MFSD6: variants seen among roughly 807,000 people sequenced by gnomAD.
MFSD6 encodes major facilitator superfamily domain-containing protein 6.
A neutral mutation model predicts 56.3 loss-of-function variants in MFSD6; 26 were observed. That is an observed-to-expected ratio of 0.46 (90% CI 0.34 to 0.64). The LOEUF (loss-of-function observed/expected upper bound fraction) is 0.64. MFSD6 is among the 30% of genes least tolerant of loss of function. The pLI is 0.01. For synonymous variants in MFSD6, 331 were observed against 366.9 expected, an observed-to-expected ratio of 0.90 and a Z score of 1.12; for missense variants, 750 against 986.2, an observed-to-expected ratio of 0.76 and a Z score of 3.21.
At chr2:190,474,018 G>A (rs538618040) in intron 4 of MFSD6, among the ~76,000 whole-genome samples, 6 of 152,224 alleles carry the variant, frequency 3.9e-5, no homozygotes, top group Admixed American at 6.5e-5. Context: ...TGAAACCAAC[G>A]AGAACAAAGA....
chr2:190,484,701 C>T (rs1688910930), intron 4 of MFSD6, among the ~76,000 whole-genome samples: 1 of 152,180 alleles, frequency 6.6e-6, no homozygotes, highest in Admixed American at 6.5e-5. Flanking sequence ...CTTTTGTATA[C>T]ACAGATGATG....
rs59001642 is a variant in MFSD6 at position 190,417,965 on chromosome 2, GGTGT to G, written c.-54+2585_-54+2588del. 5.4e-3 allele frequency among the ~76,000 whole-genome samples: 780 copies of G among 144,694 alleles called. 5 individuals carry two copies. The highest frequency in any genetic ancestry group is 8.1e-3 in the Admixed American group (118 of 14,484). 94.9% of individuals were successfully genotyped at this position (144,694 alleles called of 152,430 possible). A position where few individuals can be genotyped will look rare whatever the true frequency, so the allele number is the denominator to read the frequency against. ...CTGACTTTTCATTTAACCCTTTAGTGGTGTGTGTGTGTGTGTGTGTGTGTGTGTG... is the reference window on the plus strand; with the variant it reads ...CTGACTTTTCATTTAACCCTTTAGTGGTGTGTGTGTGTGTGTGTGTGTGTG... On this transcript the variant is annotated intron_variant, in intron 2 of 7. Coordinates refer to ENST00000392328, the MANE Select transcript of MFSD6 (RefSeq NM_017694.4). This position sits in a 1 kb window ranked among gnomAD's most constrained non-coding sequence, Gnocchi z 5.7.
chr2:190,495,390 G>C lies in MFSD6; in HGVS notation c.1892-2049G>C, dbSNP rs1002093274. Among the ~76,000 whole-genome samples, 1 of 152,174 alleles carries C rather than the reference G, an allele frequency of 6.6e-6. No individual in the cohort carries two copies. The highest frequency in any genetic ancestry group is 1.5e-5 in the Non-Finnish European group (1 of 68,028). On this transcript the variant is annotated intron_variant, in intron 6 of 7. Transcript: ENST00000392328. This position sits in a 1 kb window ranked among gnomAD's most constrained non-coding sequence, Gnocchi z 4.7. ...AAACATATCCCATGCTCATGGATGG[G>C]TAGAATCAATATTGTGAAAATGACC...
intron 3 of MFSD6, among the ~76,000 whole-genome samples, chr2:190,450,644 C>T (rs376655860): frequency 6.6e-6 from 1 of 151,902 alleles, no homozygotes; most frequent in Admixed American, 6.6e-5. Flanking sequence ...AGGCATGTGC[C>T]ACCATGCCCA....
At chr2:190,493,183 A>G (rs1175970418) in intron 6 of MFSD6, among the ~76,000 whole-genome samples, 1 of 152,102 alleles carries the variant, frequency 6.6e-6, no homozygotes, top group Non-Finnish European at 1.5e-5. Context: ...AAAGGGGTGG[A>G]AAAAGACATT....
Position 190,425,076 on chromosome 2 carries a change from T to A in MFSD6, c.-54+9663T>A, listed in dbSNP as rs188529286. Among the ~76,000 whole-genome samples the A allele has an allele frequency of 9.8e-5, 15 of 152,358 alleles. No individual in the cohort carries two copies. The highest frequency in any genetic ancestry group is 2.1e-4 in the Non-Finnish European group (14 of 68,034). On this transcript the variant is annotated intron_variant, in intron 2 of 7. Transcript: ENST00000392328. This position sits in a 1 kb window ranked among gnomAD's most constrained non-coding sequence, Gnocchi z 4.3. ...AGCATAAGGCCTTGTACACATTTTTTAAATTTATACCCAAGTGTTTCTTTT... is the reference window on the plus strand; with the variant it reads ...AGCATAAGGCCTTGTACACATTTTTAAAATTTATACCCAAGTGTTTCTTTT...
chr2:190,412,894 G>A lies in MFSD6; in HGVS notation c.-175-2398G>A, dbSNP rs985948932. Among the ~76,000 whole-genome samples the A allele has an allele frequency of 1.3e-5, 2 of 152,170 alleles. No homozygotes were observed. The highest frequency in any genetic ancestry group is 2.9e-5 in the Non-Finnish European group (2 of 68,040). ...AAAATGGCATTGTCTCAAGTTGGCTGGGCAACTTTTGGAATCTACCAGTCA... is the reference window on the plus strand; with the variant it reads ...AAAATGGCATTGTCTCAAGTTGGCTAGGCAACTTTTGGAATCTACCAGTCA... On this transcript the variant is annotated intron_variant, in intron 1 of 7. Coordinates refer to ENST00000392328, the MANE Select transcript of MFSD6 (RefSeq NM_017694.4). The surrounding 1 kb of genome is among the most constrained non-coding windows in gnomAD (Gnocchi z 4.1).
intron 4 of MFSD6, among the ~76,000 whole-genome samples, chr2:190,476,340 A>T (rs1246756054): frequency 2.6e-5 from 4 of 152,078 alleles, no homozygotes; most frequent in African/African-American, 7.3e-5. Flanking sequence ...GAATCTACAA[A>T]GAACTCAAAC....
chr2:190,419,681 T>C (rs1690933227), intron 2 of MFSD6, among the ~76,000 whole-genome samples: 2 of 152,360 alleles, frequency 1.3e-5, no homozygotes, highest in South Asian at 4.1e-4. Context: ...CTCATATATT[T>C]GCGGATAACT....
intron 3 of MFSD6, among the ~76,000 whole-genome samples, chr2:190,448,647 T>C (rs1686668597): frequency 6.6e-6 from 1 of 152,314 alleles, no homozygotes; most frequent in South Asian, 2.1e-4. Context: ...TTTACATATA[T>C]ATAAAGACAT....
chr2:190,455,045 T>C (rs1029874055), intron 3 of MFSD6, among the ~76,000 whole-genome samples: 3 of 151,818 alleles, frequency 2.0e-5, no homozygotes, highest in Non-Finnish European at 4.4e-5. Flanking sequence ...AGATCCACCA[T>C]GCAAGCCTGG....
chr2:190,434,914 C>T lies in MFSD6; in HGVS notation c.-53-1063C>T, dbSNP rs1686126425. On this transcript the variant is annotated intron_variant, in intron 2 of 7. Coordinates refer to ENST00000392328, the MANE Select transcript of MFSD6 (RefSeq NM_017694.4). The surrounding 1 kb of genome is among the most constrained non-coding windows in gnomAD (Gnocchi z 4.3). ...AGCAAGCATTATCACATGAGCTCTT[C>T]CTCCTGTCAGATCAGCAGAGGTATT... 6.6e-6 allele frequency among the ~76,000 whole-genome samples: 1 copy of T among 152,170 alleles called. No homozygotes were observed. The highest frequency in any genetic ancestry group is 1.5e-5 in the Non-Finnish European group (1 of 68,026).
At chr2:190,411,952 G>A (rs1391083208) in intron 1 of MFSD6, 1 of 985,254 alleles carries the variant, frequency 1.0e-6, no homozygotes, top group Non-Finnish European at 1.2e-6. Context: ...GAACAATCTG[G>A]TAGAAGGTAG....
intron 4 of MFSD6, among the ~76,000 whole-genome samples, chr2:190,474,255 C>CA (rs1688141967): frequency 1.3e-5 from 2 of 151,922 alleles, no homozygotes; most frequent in African/African-American, 4.8e-5. Context: ...AAAAACCCTT[C>CA]AAAAAATCAA....
rs553917997 is a variant in MFSD6 at position 190,494,959 on chromosome 2, T to C, written c.1892-2480T>C. Among the ~76,000 whole-genome samples the C allele has an allele frequency of 2.0e-5, 3 of 152,262 alleles. No individual in the cohort carries two copies. The highest frequency in any genetic ancestry group is 4.4e-5 in the Non-Finnish European group (3 of 68,012). ...TGGAACAAGACAAGGATGCCCACTC[T>C]CACCACTTCTATTCAACATAGTACT... On this transcript the variant is annotated intron_variant, in intron 6 of 7. Coordinates refer to ENST00000392328, the MANE Select transcript of MFSD6 (RefSeq NM_017694.4). This position sits in a 1 kb window ranked among gnomAD's most constrained non-coding sequence, Gnocchi z 5.7.
In MFSD6 at chr2:190,451,050, C is replaced by G. The variant is rs1039366610; in HGVS notation, c.1532+13489C>G. 6.6e-6 allele frequency among the ~76,000 whole-genome samples: 1 copy of G among 152,190 alleles called. No individual in the cohort carries two copies. Among genetic ancestry groups the G allele is most frequent in the Non-Finnish European group, 1.5e-5 (1 of 68,032 alleles). On this transcript the variant is annotated intron_variant, in intron 3 of 7. Transcript: ENST00000392328. The surrounding 1 kb of genome is among the most constrained non-coding windows in gnomAD (Gnocchi z 5.0). ...AGAGAGCAAGTTGGTCTAGGCTTGA[C>G]TCCAGTCATCATCCTAAGCCCTGGT...
rs10665730 is a variant in MFSD6, at chr2:190,450,488, C to CTTTTTTT, written c.1532+12942_1532+12948dup. Among the ~76,000 whole-genome samples the CTTTTTTT allele has an allele frequency of 1.4e-3, 141 of 97,258 alleles. 1 individual carries two copies. The highest frequency in any genetic ancestry group is 2.0e-3 in the Non-Finnish European group (108 of 53,240). The allele number at this position is 97,258 out of a possible 152,430, so 63.8% of individuals were successfully genotyped here. A position where few individuals can be genotyped will look rare whatever the true frequency, so the allele number is the denominator to read the frequency against. On this transcript the variant is annotated intron_variant, in intron 3 of 7. Transcript: ENST00000392328. ...CTAACTTTTTCTTTTTCTCTTTTTCCTTTTTTTTTTTTTTTTTTTTTGAGA... is the reference window on the plus strand; with the variant it reads ...CTAACTTTTTCTTTTTCTCTTTTTCCTTTTTTTTTTTTTTTTTTTTTTTTTTTTGAGA...
At chr2:190,470,363 G>T (rs112001781) in intron 4 of MFSD6, among the ~76,000 whole-genome samples, 148 of 152,184 alleles carry the variant, frequency 9.7e-4, no homozygotes, top group African/African-American at 3.3e-3. Flanking sequence ...CAAATGTCCT[G>T]CCCTGAGTTC....
intron 4 of MFSD6, chr2:190,477,367 T>A: frequency 1.0e-6 from 1 of 983,004 alleles, no homozygotes; most frequent in Non-Finnish European, 1.2e-6. Flanking sequence ...GCAGACTCTA[T>A]AAATAAAGAT....
Sources: gnomAD v4.1 joint callset for allele counts (sites outside exome capture counted in the v4.1 genomes callset) on GRCh38, gnomAD v4.1.1 for gene constraint, Gnocchi (gnomAD v3.1) non-coding constraint, MANE v1.5 for transcripts, NCBI Gene and HGNC (gene_info 2026-07-23, HGNC 2026-07-21) for gene names.